Variants in PLEKHH2 observed in about 807,000 individuals in gnomAD.
PLEKHH2 encodes the protein pleckstrin homology, MyTH4 and FERM domain containing H2.
In PLEKHH2, 129 loss-of-function variants were observed where a neutral mutation model predicts 187.9. The ratio of observed to expected loss-of-function variants is 0.69; its 90% CI spans 0.59 to 0.79. The LOEUF is 0.79. Ranked by LOEUF, PLEKHH2 falls within the 30% of genes least tolerant of loss-of-function variation. The pLI is 0.00. For synonymous variants in PLEKHH2, 686 were observed against 605.6 expected, an observed-to-expected ratio of 1.13 and a Z score of -1.95; for missense variants, 2,076 against 1,751.2, an observed-to-expected ratio of 1.19 and a Z score of -3.31.
chr2:43,714,700 A>G (rs1289514897), intron 15 of PLEKHH2, among the ~76,000 whole-genome samples: 3 of 152,206 alleles, frequency 2.0e-5, no homozygotes, highest in Non-Finnish European at 2.9e-5. Context: ...AGTTCTTTAA[A>G]AAACGAAAAT....
In PLEKHH2 at chr2:43,678,854, A is replaced by C. The variant is rs1668014019; in HGVS notation, c.124-9A>C. ...AATTTTTGTATTTATATTTTCCCTC[A>C]CTCTACAGATGCAACAGCTTGAGAG... On this transcript the variant is annotated splice_polypyrimidine_tract_variant and intron_variant, in intron 2 of 29. Coordinates refer to ENST00000282406, the MANE Select transcript of PLEKHH2 (RefSeq NM_172069.4). The C allele has an allele frequency of 6.3e-7, 1 of 1,577,930 alleles. No homozygotes were observed. Among genetic ancestry groups the C allele is most frequent in the Non-Finnish European group, 8.6e-7 (1 of 1,157,374 alleles).
intron 15 of PLEKHH2, among the ~76,000 whole-genome samples, chr2:43,713,099 A>AACACACACACACAAACACACACACAC (rs1553342253): frequency 1.3e-5 from 2 of 150,676 alleles, no homozygotes; most frequent in South Asian, 2.1e-4. Context: ...ATATCAAATC[A>AACACACACACACAAACACACACACAC]ACACACACAC....
intron 24 of PLEKHH2, among the ~76,000 whole-genome samples, chr2:43,749,319 T>C (rs1219714110): frequency 2.0e-5 from 3 of 152,218 alleles, no homozygotes; most frequent in Non-Finnish European, 2.9e-5. Context: ...TAAGAGGTTG[T>C]GGAGTCTTCA....
At chr2:43,681,352 C>T in intron 3 of PLEKHH2, 1 of 1,262,212 alleles carries the variant, frequency 7.9e-7, no homozygotes, top group Non-Finnish European at 1.1e-6. Flanking sequence ...GGTCACCTGT[C>T]ATCAGAATTT....
intron 3 of PLEKHH2, among the ~76,000 whole-genome samples, chr2:43,682,020 A>G (rs1320153556): frequency 6.6e-6 from 1 of 152,166 alleles, no homozygotes; most frequent in Non-Finnish European, 1.5e-5. Flanking sequence ...TTCAACAATT[A>G]GTCAAGTCAT....
chr2:43,677,261 G>A (rs1013596359), intron 2 of PLEKHH2, among the ~76,000 whole-genome samples: 1 of 151,740 alleles, frequency 6.6e-6, no homozygotes, highest in Non-Finnish European at 1.5e-5. Flanking sequence ...GATTTGGCAG[G>A]GTCATAGGAC....
intron 2 of PLEKHH2, among the ~76,000 whole-genome samples, chr2:43,665,787 G>T (rs926237030): frequency 7.4e-6 from 1 of 135,668 alleles, no homozygotes; most frequent in African/African-American, 3.0e-5. Context: ...AGGCTGCTCC[G>T]GGGTCAGGGG....
chr2:43,730,722 G>A (rs186741193), intron 18 of PLEKHH2, among the ~76,000 whole-genome samples: 4 of 152,024 alleles, frequency 2.6e-5, no homozygotes, highest in Admixed American at 6.6e-5. Context: ...TATGGCTAAG[G>A]TTCCCCCACT....
intron 27 of PLEKHH2, among the ~76,000 whole-genome samples, chr2:43,761,108 C>T (rs1457166579): frequency 6.6e-6 from 1 of 152,150 alleles, no homozygotes; most frequent in Non-Finnish European, 1.5e-5. Context: ...TGCAAATCAG[C>T]CCTCAGTAGA....
intron 20 of PLEKHH2, among the ~76,000 whole-genome samples, chr2:43,740,556 T>C (rs1209556835): frequency 6.6e-6 from 1 of 152,232 alleles, no homozygotes; most frequent in African/African-American, 2.4e-5. Flanking sequence ...TTGGTTTTGA[T>C]TTAGGGCATG....
chr2:43,652,003 G>T (rs17031173), intron 2 of PLEKHH2, among the ~76,000 whole-genome samples: 1 of 152,128 alleles, frequency 6.6e-6, no homozygotes, highest in African/African-American at 2.4e-5. Context: ...CACCTGCAAA[G>T]TAAACTGACA....
chr2:43,764,342 C>T lies in PLEKHH2; in HGVS notation c.4273C>T (p.Leu1425Phe). 6.2e-7 allele frequency: 1 copy of T among 1,612,660 alleles called. No homozygotes were observed. The highest frequency in any genetic ancestry group is 8.5e-7 in the Non-Finnish European group (1 of 1,179,382). ...HSKDKPTEKLLFAMAKPKILE... is the reference protein window; with the variant it reads ...HSKDKPTEKLFFAMAKPKILE... ...AAAGGACAAACCAACAGAGAAATTA[C>T]TTTTTGCCATGGCAAAACCCAAGGT... Residue 1425 changes from leucine (L) to phenylalanine (F), a missense_variant, in exon 29 of 30, where the codon CTT becomes TTT. Transcript: ENST00000282406.
At chr2:43,745,068 C>T (rs938834132) in intron 23 of PLEKHH2, among the ~76,000 whole-genome samples, 1 of 152,084 alleles carries the variant, frequency 6.6e-6, no homozygotes, top group Non-Finnish European at 1.5e-5. Context: ...AATCCCAGCA[C>T]TTTGGGAGGC....
intron 2 of PLEKHH2, among the ~76,000 whole-genome samples, chr2:43,653,092 C>T (rs900208453): frequency 6.6e-6 from 1 of 151,966 alleles, no homozygotes; most frequent in African/African-American, 2.4e-5. Context: ...TGTCCAAGAT[C>T]CAAGTAATAG....
intron 17 of PLEKHH2, among the ~76,000 whole-genome samples, chr2:43,728,847 C>G (rs565120314): frequency 6.6e-6 from 1 of 152,104 alleles, no homozygotes; most frequent in African/African-American, 2.4e-5. Context: ...CAGGCATGAG[C>G]CACCGTGCCC....
rs1308633187 is a variant in PLEKHH2, at chr2:43,710,086, T to A, written c.2063T>A (p.Leu688His). ...GAGTACTCACAGCCAGAGCAGAAGC[T>A]CCCAAAAACTTGCTCATCTTCCAGT... ...DTEYSQPEQK[L>H]PKTCSSSSDN... is the part of the protein sequence containing the mutation. The change falls in exon 12 of 30, where the codon CTC becomes CAC. Residue 688 changes from leucine (L) to histidine (H), a missense_variant. Physicochemically the swap from Leu to His is moderately conservative, Grantham distance 99. Coordinates refer to ENST00000282406, the MANE Select transcript of PLEKHH2 (RefSeq NM_172069.4). 1.1e-5 allele frequency: 17 copies of A among 1,612,980 alleles called. No individual in the cohort carries two copies. The highest frequency in any genetic ancestry group is 1.4e-5 in the Non-Finnish European group (17 of 1,179,676).
rs1434780432 is a variant in PLEKHH2, at chr2:43,710,994, G to C, written c.2301+419G>C. 1.0e-5 allele frequency: 10 copies of C among 998,128 alleles called. No homozygotes were observed. The African/African-American group carries it at 1.4e-4, about 14-fold the overall frequency. 61.8% of individuals were successfully genotyped at this position (998,128 alleles called of 1,614,324 possible). Reference sequence around the variant, plus strand: ...AATGACAGTTCTTATATGAACTTCAGATGCCATAACACCAAAGTGGGAAAT... The same window carrying C: ...AATGACAGTTCTTATATGAACTTCACATGCCATAACACCAAAGTGGGAAAT... On this transcript the variant is annotated intron_variant, in intron 14 of 29. Transcript: ENST00000282406.
chr2:43,735,753 A>G (rs1228573643), intron 19 of PLEKHH2, among the ~76,000 whole-genome samples: 1 of 152,236 alleles, frequency 6.6e-6, no homozygotes, highest in Non-Finnish European at 1.5e-5. Flanking sequence ...TTAAATTATG[A>G]CTGAAAGGGA....
Position 43,765,675 on chromosome 2 carries a change from C to G in PLEKHH2, c.*77C>G, listed in dbSNP as rs938606988. ...CAGCTCCCTACAAGTTCGTTTACAC[C>G]TGGCAGCACGGCAGCCACACACCGG... On this transcript the variant is annotated 3_prime_UTR_variant, in exon 30 of 30. Coordinates refer to ENST00000282406, the MANE Select transcript of PLEKHH2 (RefSeq NM_172069.4). 1 of 1,418,632 alleles carries G rather than the reference C, an allele frequency of 7.0e-7. No individual in the cohort carries two copies. The allele number at this position is 1,418,632 out of a possible 1,614,324, so 87.9% of individuals were successfully genotyped here.
Sources: allele counts gnomAD v4.1 joint callset (sites outside exome capture counted in the v4.1 genomes callset), GRCh38; gene constraint gnomAD v4.1.1; transcripts MANE v1.5; gene names NCBI Gene and HGNC (gene_info 2026-07-23, HGNC 2026-07-21).